The following CABLES2 variants were observed in gnomAD, a reference collection of about 807,000 sequenced individuals.
CABLES2 encodes Cdk5 and Abl enzyme substrate 2.
Under a neutral mutation model 44.8 loss-of-function variants are expected in CABLES2, and 35 were observed. The ratio of observed to expected loss-of-function variants is 0.78; its 90% CI spans 0.60 to 1.04. The LOEUF (loss-of-function observed/expected upper bound fraction) is 1.04. Among genes scored for constraint, CABLES2 ranks in the 50% least tolerant of loss-of-function variants. The pLI is 0.00. For synonymous variants in CABLES2, 282 were observed against 281.1 expected, an observed-to-expected ratio of 1.00 and a Z score of -0.03; for missense variants, 566 against 615.7, an observed-to-expected ratio of 0.92 and a Z score of 0.85.
At chr20:62,398,140 T>TGAC (rs1988096995) in intron 1 of CABLES2, among the ~76,000 whole-genome samples, 1 of 134,652 alleles carries the variant, frequency 7.4e-6, no homozygotes, top group African/African-American at 2.9e-5. Flanking sequence ...ACGGTGGTGA[T>TGAC]GGTGGTGGTG....
In CABLES2 at chr20:62,390,942, G is replaced by T; in HGVS notation, c.*29C>A. ...CCTCCCAGGCCGGCAAGTGCACCTCGGTGCCCTGAGCCTTCTGTGGGGCCT... is the reference window on the plus strand; with the variant it reads ...CCTCCCAGGCCGGCAAGTGCACCTCTGTGCCCTGAGCCTTCTGTGGGGCCT... On this transcript the variant is annotated 3_prime_UTR_variant, in exon 10 of 10. Coordinates refer to ENST00000279101, the MANE Select transcript of CABLES2 (RefSeq NM_031215.3). The T allele has an allele frequency of 6.2e-7, 1 of 1,611,292 alleles. No homozygotes were observed. Among genetic ancestry groups the T allele is most frequent in the South Asian group, 1.1e-5 (1 of 91,042 alleles).
At position 62,397,899 on chromosome 20, in the gene CABLES2, G is replaced by GTGGTGA. The variant is rs1181098385; in HGVS notation, c.363-1313_363-1308dup. On this transcript the variant is annotated intron_variant, in intron 1 of 9. Transcript: ENST00000279101. ...GCAGTTGGTGGTGGTGATGGCGGTGGTGGTGATGGTGATGGCAGTGGTGAT... is the reference window on the plus strand; with the variant it reads ...GCAGTTGGTGGTGGTGATGGCGGTGGTGGTGATGGTGATGGTGATGGCAGTGGTGAT... 2.7e-5 allele frequency among the ~76,000 whole-genome samples: 4 copies of GTGGTGA among 145,592 alleles called. No individual in the cohort carries two copies. In the East Asian group the frequency reaches 6.3e-4, roughly 23 times the overall value.
At chr20:62,392,525 G>T in intron 7 of CABLES2, 30 bp from the exon 8 acceptor site, 1 of 1,515,980 alleles carries the variant, frequency 6.6e-7, no homozygotes, top group Non-Finnish European at 9.2e-7. Flanking sequence ...GGGTTGGGCC[G>T]GCCCCTCGCA....
intron 4 of CABLES2, among the ~76,000 whole-genome samples, chr20:62,394,499 G>A (rs1012422496): frequency 1.8e-4 from 27 of 152,184 alleles, no homozygotes; most frequent in Non-Finnish European, 2.9e-4. Flanking sequence ...TAGAGCCCCC[G>A]GGGTGGCGCC....
At chr20:62,397,948 CGGTAGTGGT>C (rs1988057883) in intron 1 of CABLES2, among the ~76,000 whole-genome samples, 1 of 11,144 alleles carries the variant, frequency 9.0e-5, no homozygotes, top group African/African-American at 4.9e-4. Context: ...ATGGTGGTGA[CGGTAGTGGT>C]GGTGATGGTG....
intron 1 of CABLES2, among the ~76,000 whole-genome samples, chr20:62,397,825 C>T (rs11906036): frequency 3.3e-5 from 5 of 151,048 alleles, no homozygotes; most frequent in African/African-American, 7.3e-5. Context: ...TGGCGTGGCA[C>T]GTCTGAGGAT....
intron 1 of CABLES2, chr20:62,403,018 C>T (rs1325634626): frequency 6.6e-6 from 1 of 152,332 alleles, no homozygotes; most frequent in African/African-American, 2.4e-5. Flanking sequence ...TGCAGCCCAG[C>T]CCCAGGCCCA....
Position 62,394,225 on chromosome 20 carries a change from C to A in CABLES2, c.646G>T (p.Gly216Cys), listed in dbSNP as rs202116054. 6.2e-7 allele frequency: 1 copy of A among 1,613,466 alleles called. No homozygotes were observed. The highest frequency in any genetic ancestry group is 8.5e-7 in the Non-Finnish European group (1 of 1,180,018). Residue 216 changes from glycine (G) to cysteine (C), a missense_variant, in exon 5 of 10, where the codon GGC becomes TGC. Physicochemically the swap from Gly to Cys is radical, Grantham distance 159 (BLOSUM62 -3). Transcript: ENST00000279101. ...ATCTCGGAAGACACAGAGACGCCGCCGGACGGGTGCCTCTGCTTCTGGCTG... is the reference window on the plus strand; with the variant it reads ...ATCTCGGAAGACACAGAGACGCCGCAGGACGGGTGCCTCTGCTTCTGGCTG... ...VDSQKQRHPS[G>C]GVSVSSEMVF...
chr20:62,406,154 G>C (rs1344691202), intron 1 of CABLES2, among the ~76,000 whole-genome samples: 4 of 152,104 alleles, frequency 2.6e-5, no homozygotes, highest in Non-Finnish European at 5.9e-5. Flanking sequence ...CAGCAGGGAA[G>C]TGACAGGGAG....
chr20:62,398,187 A>ACGG (rs759461396), intron 1 of CABLES2, among the ~76,000 whole-genome samples: 15,742 of 92,312 alleles, frequency 0.17, 1,949 homozygotes, highest in South Asian at 0.25. Flanking sequence ...GGTGGTGGTG[A>ACGG]TGGTGATGAT....
chr20:62,399,859 G>A (rs531543613), intron 1 of CABLES2, among the ~76,000 whole-genome samples: 5 of 152,280 alleles, frequency 3.3e-5, no homozygotes, highest in East Asian at 3.9e-4. Flanking sequence ...CTCCCAAAGT[G>A]TCAGGATTAC....
chr20:62,407,088 G>C lies in CABLES2; in HGVS notation c.189C>G (p.Ser63Arg). ...GGGGCTTCTCTCCGCCCGGGCCCAGGCTCGGGGGCCGCCCGTCCAGGGAGA... is the reference window on the plus strand; with the variant it reads ...GGGGCTTCTCTCCGCCCGGGCCCAGCCTCGGGGGCCGCCCGTCCAGGGAGA... ...NNISLDGRPP[S>R]LGPGGEKPPP... Residue 63 changes from serine (S) to arginine (R), a missense_variant, in exon 1 of 10, where the codon AGC (serine) becomes AGG (arginine). Ser to Arg is a moderately radical substitution (Grantham distance 110, BLOSUM62 -1). Around this residue, in one of 2 missense-constraint regions of CABLES2, gnomAD observed 130 missense variants for 79.4 expected, o/e 1.64. Coordinates refer to ENST00000279101, the MANE Select transcript of CABLES2 (RefSeq NM_031215.3). 9 of 1,055,102 alleles carry C rather than the reference G, an allele frequency of 8.5e-6. No homozygotes were observed. The highest frequency in any genetic ancestry group is 1.0e-5 in the Non-Finnish European group (9 of 874,420). 65.4% of individuals were successfully genotyped at this position (1,055,102 alleles called of 1,614,324 possible).
chr20:62,393,455 C>T lies in CABLES2; in HGVS notation c.865G>A (p.Ala289Thr). The change falls in exon 6 of 10, where the codon GCC becomes ACC. Residue 289 changes from alanine to threonine, a missense_variant. By Grantham distance (58) the Ala-to-Thr change is moderately conservative. Coordinates refer to ENST00000279101, the MANE Select transcript of CABLES2 (RefSeq NM_031215.3). ...HKPAPTKSAP[A>T]STELGSDVGD... ...CGTGGGCTACCTAGTTCTGTGCTGG[C>T]TGGTGCCGACTTGGTGGGGGCAGGT... 6.2e-7 allele frequency: 1 copy of T among 1,608,102 alleles called. No homozygotes were observed. Among genetic ancestry groups the T allele is most frequent in the Non-Finnish European group, 8.5e-7 (1 of 1,176,816 alleles).
At chr20:62,397,986 G>GTAA (rs1555890707) in intron 1 of CABLES2, among the ~76,000 whole-genome samples, 1 of 87,298 alleles carries the variant, frequency 1.1e-5, no homozygotes, top group Non-Finnish European at 2.5e-5. Context: ...GGTGATGGCG[G>GTAA]TGGTGGTGAT....
chr20:62,407,230 G>GGTGGCGGGGGCCCGGCGT lies in CABLES2; in HGVS notation c.46_47insACGCCGGGCCCCCGCCAC (p.Gly15_Pro16insHisAlaGlyProProPro). 1 of 856,264 alleles carries GGTGGCGGGGGCCCGGCGT rather than the reference G, an allele frequency of 1.2e-6. No homozygotes were observed. Among genetic ancestry groups the GGTGGCGGGGGCCCGGCGT allele is most frequent in the Non-Finnish European group, 1.4e-6 (1 of 715,542 alleles). The allele number at this position is 856,264 out of a possible 1,614,324, so 53.0% of individuals were successfully genotyped here. On this transcript the variant is annotated inframe_insertion, in exon 1 of 10. Coordinates refer to ENST00000279101, the MANE Select transcript of CABLES2 (RefSeq NM_031215.3). ...CGCGGCGGGTGGCGGGGGCCCGGCGGGGCCGGGGGCCGGGCCCGGGGCTCC... is the reference window on the plus strand; with the variant it reads ...CGCGGCGGGTGGCGGGGGCCCGGCGGGTGGCGGGGGCCCGGCGTGGCCGGGGGCCGGGCCCGGGGCTCC...
rs1987885011 is a variant in CABLES2, at chr20:62,390,100, AT to A, written c.*870del. The A allele has an allele frequency of 6.6e-6, 1 of 152,266 alleles. No individual in the cohort carries two copies. The highest frequency in any genetic ancestry group is 2.1e-4 in the South Asian group (1 of 4,820). 9.4% of individuals were successfully genotyped at this position (152,266 alleles called of 1,614,324 possible). A position where few individuals can be genotyped will look rare whatever the true frequency, so the allele number is the denominator to read the frequency against. ...AAAACCAAATCCCAATAAATATGTT[AT>A]TTTTCTCCATCACAATATTGCTTAG... On this transcript the variant is annotated 3_prime_UTR_variant, in exon 10 of 10. Transcript: ENST00000279101.
chr20:62,397,150 C>T (rs574251000), intron 1 of CABLES2, among the ~76,000 whole-genome samples: 2 of 152,230 alleles, frequency 1.3e-5, no homozygotes, highest in East Asian at 3.9e-4. Flanking sequence ...GCTGCTCCTC[C>T]GTCTGGAACA....
chr20:62,391,237 C>G lies in CABLES2; in HGVS notation c.1296+12G>C. The G allele has an allele frequency of 6.2e-7, 1 of 1,604,354 alleles. No individual in the cohort carries two copies. Among genetic ancestry groups the G allele is most frequent in the Non-Finnish European group, 8.5e-7 (1 of 1,173,642 alleles). Reference sequence around the variant, plus strand: ...GACCCTGCCTGCAGTGCCTGCCGAGCCGGGCACTCACATCGATGAGCTGCG... The same window carrying G: ...GACCCTGCCTGCAGTGCCTGCCGAGGCGGGCACTCACATCGATGAGCTGCG... On this transcript the variant is annotated intron_variant, in intron 9 of 9. Coordinates refer to ENST00000279101, the MANE Select transcript of CABLES2 (RefSeq NM_031215.3). The surrounding 1 kb of genome is among the most constrained non-coding windows in gnomAD (Gnocchi z 5.7).
chr20:62,402,042 C>T (rs1430984263), intron 1 of CABLES2, among the ~76,000 whole-genome samples: 2 of 151,910 alleles, frequency 1.3e-5, no homozygotes, highest in African/African-American at 4.8e-5. Flanking sequence ...GTTACACTGG[C>T]GGTGCCTACT....
Sources: gnomAD v4.1 joint callset for allele counts (sites outside exome capture counted in the v4.1 genomes callset) on GRCh38, gnomAD v4.1.1 for gene constraint, gnomAD v4.1.1 regional missense constraint, Gnocchi (gnomAD v3.1) non-coding constraint, MANE v1.5 for transcripts, NCBI Gene and HGNC (gene_info 2026-07-23, HGNC 2026-07-21) for gene names.